Variants in STK3 observed in about 807,000 individuals in gnomAD.
STK3 encodes the protein serine/threonine kinase 3.
In STK3, 41 loss-of-function variants were observed where a neutral mutation model predicts 58.0. That is an observed-to-expected ratio of 0.71 (90% CI 0.55 to 0.92). The LOEUF is 0.92. STK3 is among the 40% of genes least tolerant of loss of function. The probability of loss-of-function intolerance (pLI) is 0.00; values close to 1 mark genes in which losing one functional copy is unlikely to be tolerated. For synonymous variants in STK3, 170 were observed against 191.0 expected (o/e 0.89, Z 0.91); for missense variants, 479 against 602.7 (o/e 0.79, Z 2.15).
intron 1 of STK3, among the ~76,000 whole-genome samples, chr8:98,785,560 CT>C (rs947888997): frequency 2.6e-5 from 4 of 152,176 alleles, no homozygotes; most frequent in African/African-American, 9.7e-5. Context: ...CCTCTGCCCC[CT>C]CAGGGCTGAG....
intron 4 of STK3, among the ~76,000 whole-genome samples, chr8:98,713,792 C>T (rs1826751361): frequency 6.6e-6 from 1 of 152,074 alleles, no homozygotes; most frequent in Non-Finnish European, 1.5e-5. Flanking sequence ...CCAGCATCAT[C>T]CTGATACCAA....
chr8:98,581,283 C>T (rs955979837), intron 7 of STK3, among the ~76,000 whole-genome samples: 9 of 152,214 alleles, frequency 5.9e-5, no homozygotes, highest in Middle Eastern at 3.4e-3. Context: ...AGCTGATTGG[C>T]GATGAAAGTC....
chr8:98,583,842 T>C (rs1586924217), intron 7 of STK3, among the ~76,000 whole-genome samples: 1 of 146,570 alleles, frequency 6.8e-6, no homozygotes, highest in Non-Finnish European at 1.5e-5. Flanking sequence ...AGAGAGAGAG[T>C]GTATGTGTGT....
At chr8:98,752,597 A>G (rs1435597908) in intron 3 of STK3, among the ~76,000 whole-genome samples, 1 of 152,210 alleles carries the variant, frequency 6.6e-6, no homozygotes, top group Admixed American at 6.5e-5. Flanking sequence ...AAATTGGCAA[A>G]TGGGATCTAG....
chr8:98,853,752 T>A (rs1366897049), intron 3 of STK3, among the ~76,000 whole-genome samples: 1 of 152,208 alleles, frequency 6.6e-6, no homozygotes, highest in Non-Finnish European at 1.5e-5. Context: ...AGATACAAAC[T>A]ACTGAAACTG....
At chr8:98,899,663 G>C (rs55708865) in intron 1 of STK3, among the ~76,000 whole-genome samples, 4,442 of 152,234 alleles carry the variant, frequency 0.029, 96 homozygotes, top group South Asian at 0.064. Context: ...TTTCCCATGG[G>C]TGCTGGGGGA....
At chr8:98,559,223 C>T (rs550048711) in intron 8 of STK3, among the ~76,000 whole-genome samples, 2 of 152,020 alleles carry the variant, frequency 1.3e-5, no homozygotes, top group Non-Finnish European at 2.9e-5. Context: ...GTTTTATACA[C>T]GTGTTTCTTG....
chr8:98,444,773 A>AAAGGCAGTAATTTGGGAATC (rs1443989408), intron 1 of STK3, among the ~76,000 whole-genome samples: 1 of 152,216 alleles, frequency 6.6e-6, no homozygotes, highest in Non-Finnish European at 1.5e-5. Context: ...AGTTTGGGTC[A>AAAGGCAGTAATTTGGGAATC]AAGGCAGTAA....
intron 3 of STK3, among the ~76,000 whole-genome samples, chr8:98,753,925 G>A (rs115283266): frequency 6.6e-6 from 1 of 152,072 alleles, no homozygotes; most frequent in Non-Finnish European, 1.5e-5. Flanking sequence ...AGTTGACAAG[G>A]TACCTTACTT....
intron 4 of STK3, among the ~76,000 whole-genome samples, chr8:98,710,860 C>A (rs374263875): frequency 6.6e-6 from 1 of 152,226 alleles, no homozygotes; most frequent in Non-Finnish European, 1.5e-5. Context: ...GTCACTGACC[C>A]CCAAGTAGCC....
intron 3 of STK3, among the ~76,000 whole-genome samples, chr8:98,871,897 G>C (rs1482533010): frequency 6.6e-6 from 1 of 152,182 alleles, no homozygotes; most frequent in African/African-American, 2.4e-5. Flanking sequence ...GGAGTGGTGA[G>C]AGAGGGCATC....
intron 6 of STK3, chr8:98,651,705 A>G (rs1423339528): frequency 1.3e-5 from 2 of 152,258 alleles, no homozygotes; most frequent in Non-Finnish European, 2.9e-5. Flanking sequence ...CAGAAGCCTC[A>G]GGAGCTGATG....
intron 6 of STK3, among the ~76,000 whole-genome samples, chr8:98,659,554 A>G (rs1457798931): frequency 1.3e-5 from 2 of 151,862 alleles, no homozygotes; most frequent in Non-Finnish European, 2.9e-5. Context: ...TGCTCAGTTG[A>G]AAAGTTATAA....
At chr8:98,456,044 A>G (rs899506628) in intron 10 of STK3, 44 bp from the exon 11 acceptor site, 3 of 1,529,278 alleles carry the variant, frequency 2.0e-6, no homozygotes, top group African/African-American at 1.4e-5. Context: ...AATTATCCAC[A>G]TTATCCACAA....
chr8:98,875,003 C>A (rs1409084065), intron 3 of STK3, among the ~76,000 whole-genome samples: 4 of 152,230 alleles, frequency 2.6e-5, no homozygotes, highest in African/African-American at 9.6e-5. Context: ...GATTTTGAAA[C>A]AATACATGAC....
chr8:98,708,074 G>A (rs1826092000), intron 4 of STK3, among the ~76,000 whole-genome samples: 1 of 151,892 alleles, frequency 6.6e-6, no homozygotes, highest in African/African-American at 2.4e-5. Context: ...GGGAGGCAGA[G>A]GTTGCAGTGA....
chr8:98,691,344 CAT>C (rs1244138850), intron 6 of STK3, among the ~76,000 whole-genome samples: 3 of 152,080 alleles, frequency 2.0e-5, no homozygotes, highest in South Asian at 2.1e-4. Flanking sequence ...ATGCAAAGTA[CAT>C]ATATATGATT....
downstream of STK3, among the ~76,000 whole-genome samples, chr8:98,369,449 G>C (rs1413558480): frequency 5.9e-5 from 9 of 152,148 alleles, no homozygotes; most frequent in Admixed American, 5.9e-4. Flanking sequence ...TAATACGGGG[G>C]TTCAGGGGAG....
chr8:98,589,842 G>A (rs570497549), intron 7 of STK3, among the ~76,000 whole-genome samples: 1 of 152,230 alleles, frequency 6.6e-6, no homozygotes, highest in African/African-American at 2.4e-5. Context: ...CAGTATTAGG[G>A]TGGGAGTGGC....
Sources: allele counts gnomAD v4.1 joint callset (sites outside exome capture counted in the v4.1 genomes callset), GRCh38; gene constraint gnomAD v4.1.1; transcripts MANE v1.5; gene names NCBI Gene and HGNC (gene_info 2026-07-23, HGNC 2026-07-21).